Variants in OCA2 observed in about 807,000 individuals in gnomAD.
OCA2 encodes OCA2 melanosomal transmembrane protein.
Under a neutral mutation model 100.2 loss-of-function variants are expected in OCA2, and 77 were observed. The ratio of observed to expected loss-of-function variants is 0.77; its 90% CI spans 0.64 to 0.93. The LOEUF (loss-of-function observed/expected upper bound fraction) is 0.93. OCA2 is among the 40% of genes least tolerant of loss of function. The pLI, the probability that OCA2 is intolerant of heterozygous loss-of-function variation, is 0.00. For synonymous variants in OCA2, 432 were observed against 439.2 expected, an observed-to-expected ratio of 0.98 and a Z score of 0.21; for missense variants, 1,062 against 1,089.1, an observed-to-expected ratio of 0.98 and a Z score of 0.35.
chr15:27,871,091 G>T, intron 21 of OCA2, 63 bp downstream of exon 21: 1 of 1,212,016 alleles, frequency 8.3e-7, no homozygotes, highest in Non-Finnish European at 1.2e-6. Flanking sequence ...TAGGAAGGGA[G>T]GGTGAGCCCC....
intron 19 of OCA2, among the ~76,000 whole-genome samples, chr15:27,894,459 G>C (rs560649675): frequency 3.3e-5 from 5 of 152,330 alleles, no homozygotes; most frequent in Non-Finnish European, 5.9e-5. Flanking sequence ...CTGCTTAGCA[G>C]AATTCGTATA....
intron 23 of OCA2, among the ~76,000 whole-genome samples, chr15:27,789,388 A>G (rs1481131768): frequency 6.6e-6 from 1 of 152,116 alleles, no homozygotes; most frequent in African/African-American, 2.4e-5. Flanking sequence ...CTAGAAATGA[A>G]ATTCTTTCTT....
At chr15:27,755,790 T>C (rs1349574060) in intron 23 of OCA2, among the ~76,000 whole-genome samples, 1 of 152,184 alleles carries the variant, frequency 6.6e-6, no homozygotes, top group Non-Finnish European at 1.5e-5. Flanking sequence ...TGGGCCACCA[T>C]TTAAATCTCT....
the OCA2 span, among the ~76,000 whole-genome samples, chr15:27,743,093 T>A: frequency 6.6e-6 from 1 of 152,188 alleles, no homozygotes; most frequent in African/African-American, 2.4e-5. Context: ...GCATAGCACA[T>A]CTCGCCTCTT....
chr15:27,991,336 G>A (rs2041548215), intron 9 of OCA2, among the ~76,000 whole-genome samples: 2 of 152,176 alleles, frequency 1.3e-5, no homozygotes, highest in Non-Finnish European at 2.9e-5. Context: ...AAGCACTGAT[G>A]CTCATAACAA....
chr15:28,097,206 G>C (rs1474912830), intron 1 of OCA2, among the ~76,000 whole-genome samples: 2 of 152,196 alleles, frequency 1.3e-5, no homozygotes, highest in African/African-American at 4.8e-5. Context: ...CCTCCCCACG[G>C]GTCGGACCCA....
intron 2 of OCA2, among the ~76,000 whole-genome samples, chr15:28,058,852 G>A (rs2043785835): frequency 6.6e-6 from 1 of 152,192 alleles, no homozygotes; most frequent in East Asian, 1.9e-4. Context: ...CAGGTGTGCA[G>A]GGGAGAGTCT....
intron 2 of OCA2, among the ~76,000 whole-genome samples, chr15:28,057,533 G>A (rs941954053): frequency 6.6e-6 from 1 of 151,964 alleles, no homozygotes; most frequent in Non-Finnish European, 1.5e-5. Flanking sequence ...TAACAGACAG[G>A]GCCCCACAGA....
chr15:27,917,134 A>C (rs1438241687), intron 19 of OCA2, among the ~76,000 whole-genome samples: 2 of 152,126 alleles, frequency 1.3e-5, no homozygotes, highest in African/African-American at 4.8e-5. Context: ...CTTCTGGGCT[A>C]ACAGTGAATA....
intron 10 of OCA2, among the ~76,000 whole-genome samples, chr15:27,990,063 G>A (rs987996984): frequency 3.3e-5 from 5 of 151,974 alleles, no homozygotes; most frequent in Non-Finnish European, 5.9e-5. Flanking sequence ...GACAACTCTG[G>A]GCCTCCATCC....
chr15:28,000,339 G>T (rs890193984), intron 9 of OCA2, among the ~76,000 whole-genome samples: 2 of 152,184 alleles, frequency 1.3e-5, no homozygotes, highest in African/African-American at 4.8e-5. Context: ...TATTTGACAA[G>T]AATGCCAAGA....
At chr15:28,096,576 G>A (rs559421483) in intron 1 of OCA2, among the ~76,000 whole-genome samples, 6 of 152,354 alleles carry the variant, frequency 3.9e-5, no homozygotes, top group South Asian at 2.1e-4. Context: ...CCCGCTGAGG[G>A]CAGTGTAGGG....
intron 21 of OCA2, among the ~76,000 whole-genome samples, chr15:27,857,928 C>G (rs942683735): frequency 1.3e-5 from 2 of 151,706 alleles, no homozygotes; most frequent in Non-Finnish European, 1.5e-5. Flanking sequence ...ATTTAAATTT[C>G]CAAGGTAACC....
Position 27,926,206 on chromosome 15 carries a change from A to C in OCA2, c.2000T>G (p.Ile667Ser). The change falls in exon 19 of 24, where the codon ATT becomes AGT. Residue 667 changes from isoleucine (I) to serine (S), a missense_variant. Transcript: ENST00000354638. Reference sequence around the variant, plus strand: ...GTGTAGAATTATCTCAAAATCATGAATATCAGCTAAAATTAGCAACCAGAT... The same window carrying C: ...GTGTAGAATTATCTCAAAATCATGACTATCAGCTAAAATTAGCAACCAGAT... ...GAIWLLILADIHDFEIILHRV... is the reference protein window; with the variant it reads ...GAIWLLILADSHDFEIILHRV... 6.2e-7 allele frequency: 1 copy of C among 1,614,152 alleles called. No individual in the cohort carries two copies. The highest frequency in any genetic ancestry group is 1.3e-5 in the African/African-American group (1 of 75,048).
the OCA2 span, among the ~76,000 whole-genome samples, chr15:27,748,790 A>G: frequency 6.6e-6 from 1 of 152,222 alleles, no homozygotes; most frequent in Admixed American, 6.5e-5. Context: ...GCAATAAATA[A>G]ATGAACCAAA....
intron 20 of OCA2, 32 bp downstream of exon 20, chr15:27,871,831 T>G (rs775358544): frequency 1.4e-6 from 2 of 1,388,272 alleles, no homozygotes; most frequent in South Asian, 2.3e-5. Context: ...GAACAGTGGC[T>G]GGAGTGCCTT....
At chr15:28,034,696 G>C (rs1049609581) in intron 2 of OCA2, among the ~76,000 whole-genome samples, 9 of 152,078 alleles carry the variant, frequency 5.9e-5, no homozygotes, top group African/African-American at 2.2e-4. Context: ...TTGATTGCTT[G>C]AGCCTGAGAG....
the OCA2 span, among the ~76,000 whole-genome samples, chr15:27,727,369 CT>C: frequency 6.6e-6 from 1 of 152,146 alleles, no homozygotes; most frequent in South Asian, 2.1e-4. Flanking sequence ...TAACTTTAAC[CT>C]GGAAAAAAAC....
intron 15 of OCA2, among the ~76,000 whole-genome samples, chr15:27,961,492 A>G (rs2040409817): frequency 6.6e-6 from 1 of 152,240 alleles, no homozygotes; most frequent in African/African-American, 2.4e-5. Context: ...ATAAAGACAC[A>G]TGCACACGTA....
Sources: gnomAD v4.1 joint callset for allele counts (sites outside exome capture counted in the v4.1 genomes callset) on GRCh38, gnomAD v4.1.1 for gene constraint, MANE v1.5 for transcripts, NCBI Gene and HGNC (gene_info 2026-07-23, HGNC 2026-07-21) for gene names.